The following ZNF665 variants were observed in gnomAD, a reference collection of about 807,000 sequenced individuals.
The protein encoded by ZNF665 is zinc finger protein 665.
Under a neutral mutation model 7.9 loss-of-function variants are expected in ZNF665, and 6 were observed. That is an observed-to-expected ratio of 0.76 (90% confidence interval 0.42 to 1.50). ZNF665 has a LOEUF of 1.50. Ranked by LOEUF, ZNF665 falls within the 40% of genes most tolerant of loss-of-function variation. The pLI is 0.01. For missense variants in ZNF665, 819 were observed against 806.7 expected, an observed-to-expected ratio of 1.02 and a Z score of -0.18; for synonymous variants, 242 against 274.5, an observed-to-expected ratio of 0.88 and a Z score of 1.17.
chr19:53,178,232 A>G (rs1346182084), intron 2 of ZNF665, among the ~76,000 whole-genome samples: 2 of 152,216 alleles, frequency 1.3e-5, no homozygotes, highest in Non-Finnish European at 2.9e-5. Flanking sequence ...GACGTGTACC[A>G]ATGTCTAATA....
At chr19:53,192,683 G>A (rs1387973833) in intron 1 of ZNF665, among the ~76,000 whole-genome samples, 1 of 152,174 alleles carries the variant, frequency 6.6e-6, no homozygotes, top group African/African-American at 2.4e-5. Context: ...TTCACAGGGA[G>A]GGTTTGGAGT....
At chr19:53,170,584 C>T (rs549614530) in intron 3 of ZNF665, among the ~76,000 whole-genome samples, 13 of 152,290 alleles carry the variant, frequency 8.5e-5, no homozygotes, top group Middle Eastern at 3.4e-3. Flanking sequence ...AAAATATCCT[C>T]GGGGTCCATC....
rs775994020 is a variant in ZNF665, at chr19:53,165,753, G to T, written c.737C>A (p.Pro246His). ...TCTCTGATGACCTGCAAGGTTTGAA[G>T]GTTGACTGAAGACCTTTCCACATTC... ...CNECGKVFSQPSNLAGHQRIH... is the reference protein window; with the variant it reads ...CNECGKVFSQHSNLAGHQRIH... Residue 246 changes from proline (P) to histidine (H), a missense_variant, in exon 4 of 4, where the codon CCT becomes CAT. Physicochemically the swap from Pro to His is moderately conservative, Grantham distance 77. Coordinates refer to ENST00000396424, the MANE Select transcript of ZNF665 (RefSeq NM_024733.5). 5.0e-6 allele frequency: 8 copies of T among 1,611,828 alleles called. No homozygotes were observed. Among genetic ancestry groups the T allele is most frequent in the Non-Finnish European group, 6.8e-6 (8 of 1,179,318 alleles).
rs1418260218 is a variant in ZNF665, at chr19:53,163,221, T to TG, written c.*1231dup. ...GCTAATTTTGTATTTTTAGTAGAGA[T>TG]GGGGTTTCTCCATGTTGGTCAGGCT... On this transcript the variant is annotated 3_prime_UTR_variant, in exon 4 of 4. Coordinates refer to ENST00000396424, the MANE Select transcript of ZNF665 (RefSeq NM_024733.5). 6.6e-6 allele frequency: 1 copy of TG among 152,038 alleles called. No individual in the cohort carries two copies. The highest frequency in any genetic ancestry group is 2.4e-5 in the African/African-American group (1 of 41,380). The allele number at this position is 152,038 out of a possible 1,614,324, so 9.4% of individuals were successfully genotyped here.
At chr19:53,167,475 G>C (rs749946681) in intron 3 of ZNF665, among the ~76,000 whole-genome samples, 2 of 148,040 alleles carry the variant, frequency 1.4e-5, no homozygotes, top group Non-Finnish European at 3.0e-5. Flanking sequence ...TTTTTTTGGA[G>C]ACAGAGTCTC....
chr19:53,171,522 ATATT>A (rs201814962), intron 3 of ZNF665, among the ~76,000 whole-genome samples: 3 of 75,424 alleles, frequency 4.0e-5, no homozygotes, highest in African/African-American at 1.1e-4. Flanking sequence ...ATATATATAT[ATATT>A]TTTTTTTTTT....
intron 2 of ZNF665, among the ~76,000 whole-genome samples, chr19:53,177,486 G>A (rs2090707247): frequency 6.6e-6 from 1 of 151,932 alleles, no homozygotes; most frequent in African/African-American, 2.4e-5. Context: ...GGCAGAGGTT[G>A]CAGTGAGCCA....
At chr19:53,188,981 A>G (rs1053581288) in intron 1 of ZNF665, among the ~76,000 whole-genome samples, 6 of 151,914 alleles carry the variant, frequency 3.9e-5, no homozygotes, top group Admixed American at 3.9e-4. Flanking sequence ...TGCAGGCGTG[A>G]GCCACCATGC....
chr19:53,171,214 GGCCTC>G (rs1235420433), intron 3 of ZNF665, among the ~76,000 whole-genome samples: 26 of 151,896 alleles, frequency 1.7e-4, no homozygotes, highest in African/African-American at 5.8e-4. Context: ...TCGAACTCCT[GGCCTC>G]ACATGATCTG....
chr19:53,184,740 GACC>G (rs1352108517), intron 1 of ZNF665, among the ~76,000 whole-genome samples: 1 of 152,120 alleles, frequency 6.6e-6, no homozygotes, highest in Non-Finnish European at 1.5e-5. Context: ...GGGCCCGGGG[GACC>G]ACTACCACCA....
In ZNF665 at chr19:53,166,034, C is replaced by T. The variant is rs1483036693; in HGVS notation, c.456G>A (p.Leu152=). ...TTTTCCCTTCATGTTGAAATTGCTG[C>T]AGTTCAGGGAGATGTGACTGAAAGC... The part of the protein sequence containing the change: ...GVSFQSHLPE[L]QQFQHEGKIY... The change falls in exon 4 of 4, where the codon CTG becomes CTA. Residue 152 remains leucine (L), a synonymous_variant. Transcript: ENST00000396424. 2 of 1,613,880 alleles carry T rather than the reference C, an allele frequency of 1.2e-6. No homozygotes were observed. The highest frequency in any genetic ancestry group is 2.7e-5 in the African/African-American group (2 of 74,934).
At position 53,164,249 on chromosome 19, in the gene ZNF665, T is replaced by G; in HGVS notation, c.*204A>C. ...GCCTCCCAGGTTCAAGTGATTCTCCTGCCTCAGCCTCCCGAGTAGCTGGGA... is the reference window on the plus strand; with the variant it reads ...GCCTCCCAGGTTCAAGTGATTCTCCGGCCTCAGCCTCCCGAGTAGCTGGGA... On this transcript the variant is annotated 3_prime_UTR_variant, in exon 4 of 4. Transcript: ENST00000396424. The G allele has an allele frequency of 2.5e-6, 1 of 393,710 alleles. No individual in the cohort carries two copies. Among genetic ancestry groups the G allele is most frequent in the East Asian group, 4.3e-5 (1 of 23,528 alleles). The allele number at this position is 393,710 out of a possible 1,614,324, so 24.4% of individuals were successfully genotyped here.
chr19:53,169,919 A>C, intron 3 of ZNF665, among the ~76,000 whole-genome samples: 1 of 143,828 alleles, frequency 7.0e-6, no homozygotes, highest in South Asian at 2.3e-4. Context: ...ACATTTTCTT[A>C]ATCCAGTCTA....
chr19:53,182,871 A>C lies in ZNF665; in HGVS notation c.15+13T>G. On this transcript the variant is annotated intron_variant, in intron 2 of 3. Coordinates refer to ENST00000396424, the MANE Select transcript of ZNF665 (RefSeq NM_024733.5). ...GAAGGAGACAGAACAATCCACCGAG[A>C]ATATCATCTCACCTGAGGAAGAGCC... is the stretch of plus-strand genomic sequence containing the variant. The C allele has an allele frequency of 6.2e-7, 1 of 1,613,124 alleles. No homozygotes were observed. Among genetic ancestry groups the C allele is most frequent in the East Asian group, 2.2e-5 (1 of 44,860 alleles).
intron 3 of ZNF665, among the ~76,000 whole-genome samples, chr19:53,169,498 T>C (rs1437552069): frequency 1.3e-5 from 2 of 152,174 alleles, no homozygotes; most frequent in African/African-American, 4.8e-5. Context: ...TTGGATGGCT[T>C]TAAAAAAAAT....
At position 53,175,487 on chromosome 19, in the gene ZNF665, T is replaced by C; in HGVS notation, c.100A>G (p.Arg34Gly). 7 of 1,612,972 alleles carry C rather than the reference T, an allele frequency of 4.3e-6. No individual in the cohort carries two copies. The highest frequency in any genetic ancestry group is 5.9e-6 in the Non-Finnish European group (7 of 1,179,626). The change falls in exon 3 of 4, where the codon AGG becomes GGG. Residue 34 changes from arginine (R) to glycine (G), a missense_variant. By Grantham distance (125) the Arg-to-Gly change is moderately radical (BLOSUM62 -2). Transcript: ENST00000396424. ...CTATAATTCTCCAACATGACGTCCCTGTACAAAGTCTTCTGAGCAGGGTCC... is the reference window on the plus strand; with the variant it reads ...CTATAATTCTCCAACATGACGTCCCCGTACAAAGTCTTCTGAGCAGGGTCC... The part of the protein sequence containing the change: ...CLDPAQKTLY[R>G]DVMLENYRNL...
chr19:53,166,895 C>T (rs563351498), intron 3 of ZNF665, among the ~76,000 whole-genome samples: 1 of 152,246 alleles, frequency 6.6e-6, no homozygotes, highest in South Asian at 2.1e-4. Flanking sequence ...TCAGAAAAAA[C>T]TATTTTTCTG....
At chr19:53,180,148 AC>A (rs1438252955) in intron 2 of ZNF665, among the ~76,000 whole-genome samples, 3 of 152,116 alleles carry the variant, frequency 2.0e-5, no homozygotes, top group Admixed American at 1.3e-4. Flanking sequence ...ATAATAGAGA[AC>A]AGGCTGGGTG....
At chr19:53,180,603 T>C (rs1017729090) in intron 2 of ZNF665, 3 of 152,198 alleles carry the variant, frequency 2.0e-5, no homozygotes, top group African/African-American at 7.2e-5. Context: ...ACCAGTTAAA[T>C]TAAGTGAAAT....
Sources: allele counts gnomAD v4.1 joint callset (sites outside exome capture counted in the v4.1 genomes callset), GRCh38; gene constraint gnomAD v4.1.1; transcripts MANE v1.5; gene names NCBI Gene and HGNC (gene_info 2026-07-23, HGNC 2026-07-21).